The following MX2 variants were observed in gnomAD, a reference collection of about 807,000 sequenced individuals.
MX2 encodes interferon-induced GTP-binding protein Mx2.
A neutral mutation model predicts 74.0 loss-of-function variants in MX2; 51 were observed. The ratio of observed to expected loss-of-function variants is 0.69; its 90% CI spans 0.55 to 0.87. MX2 has a LOEUF of 0.87. Ranked by LOEUF, MX2 falls within the 40% of genes least tolerant of loss-of-function variation. The probability of loss-of-function intolerance (pLI) is 0.00; values close to 1 mark genes in which losing one functional copy is unlikely to be tolerated. For synonymous variants in MX2, 369 were observed against 339.3 expected (o/e 1.09, Z -0.96); for missense variants, 832 against 908.7 (o/e 0.92, Z 1.09).
Position 41,408,099 on chromosome 21 carries a change from A to C in MX2, c.2014A>C (p.Lys672Gln). ...AGCCATGATGCAGATACTACAGGAA[A>C]AAAATCGCTATTCCTGGCTGCTTCA... ...QKAMMQILQE[K>Q]NRYSWLLQEQ... Residue 672 changes from lysine to glutamine, a missense_variant, in exon 14 of 14, where the codon AAA becomes CAA. Lys to Gln is a moderately conservative substitution (Grantham distance 53). Transcript: ENST00000330714. 1 of 1,614,234 alleles carries C rather than the reference A, an allele frequency of 6.2e-7. No homozygotes were observed. The highest frequency in any genetic ancestry group is 1.1e-5 in the South Asian group (1 of 91,082).
At chr21:41,367,945 A>G (rs565813924) in intron 1 of MX2, among the ~76,000 whole-genome samples, 1 of 152,240 alleles carries the variant, frequency 6.6e-6, no homozygotes, top group East Asian at 1.9e-4. Context: ...CTGCACCCTG[A>G]CAGCCACCTT....
chr21:41,365,752 G>A (rs935482268), intron 1 of MX2: 2 of 152,222 alleles, frequency 1.3e-5, no homozygotes, highest in African/African-American at 4.8e-5. Flanking sequence ...GCTGTAATGG[G>A]ATTGCTGGGT....
intron 2 of MX2, 143 bp downstream of exon 2, chr21:41,377,298 C>A: frequency 8.3e-7 from 1 of 1,212,094 alleles, no homozygotes; most frequent in Non-Finnish European, 1.2e-6. Context: ...TGGTCATGCC[C>A]AACAAGTACC....
chr21:41,403,377 G>C (rs914694204), intron 12 of MX2, 34 bp downstream of exon 12: 4 of 1,520,318 alleles, frequency 2.6e-6, no homozygotes, highest in Non-Finnish European at 3.7e-6. Context: ...TAGTCACCTG[G>C]ACCACTGGCT....
At chr21:41,378,236 A>G (rs878961472) in intron 3 of MX2, among the ~76,000 whole-genome samples, 10 of 78,266 alleles carry the variant, frequency 1.3e-4, no homozygotes, top group South Asian at 1.1e-3. Flanking sequence ...GAGACAGACC[A>G]TTGGGAGAGA....
intron 7 of MX2, among the ~76,000 whole-genome samples, chr21:41,396,670 G>A (rs966657878): frequency 6.6e-6 from 1 of 152,196 alleles, no homozygotes; most frequent in African/African-American, 2.4e-5. Context: ...CCAGCACTCA[G>A]TAAACACCAC....
rs754922549 is a variant in MX2 at position 41,406,916 on chromosome 21, A to G, written c.1823A>G (p.Lys608Arg). ...CTGGGGACGCCTTCACAGAATATGA[A>G]GTTGAACTCTCATTTTCCCAGTAAT... ...NPLGTPSQNM[K>R]LNSHFPSNES... Residue 608 changes from lysine (K) to arginine (R), a missense_variant, in exon 13 of 14, where the codon AAG becomes AGG. Lys to Arg is a conservative substitution (Grantham distance 26). Transcript: ENST00000330714. The G allele has an allele frequency of 3.1e-6, 5 of 1,614,198 alleles. No homozygotes were observed. In the East Asian group the frequency reaches 1.1e-4, roughly 36 times the overall value.
At chr21:41,381,748 A>G (rs559886150) in intron 4 of MX2, among the ~76,000 whole-genome samples, 1 of 152,256 alleles carries the variant, frequency 6.6e-6, no homozygotes, top group Admixed American at 6.5e-5. Context: ...CATCTTTAGA[A>G]TAGCATCTTG....
chr21:41,387,927 C>T (rs372751111), intron 5 of MX2, among the ~76,000 whole-genome samples: 4 of 152,096 alleles, frequency 2.6e-5, no homozygotes, highest in African/African-American at 9.7e-5. Context: ...TGGGGTCAGC[C>T]CTCCCTTTTC....
intron 5 of MX2, among the ~76,000 whole-genome samples, chr21:41,385,347 C>T (rs535130552): frequency 3.3e-5 from 5 of 152,220 alleles, no homozygotes; most frequent in Non-Finnish European, 5.9e-5. Flanking sequence ...ATAATCCCCA[C>T]GTGTCGTGGG....
intron 6 of MX2, among the ~76,000 whole-genome samples, chr21:41,394,104 C>T (rs2089700152): frequency 6.6e-6 from 1 of 152,222 alleles, no homozygotes. Flanking sequence ...CGAGCACTCA[C>T]CTTGCCCATG....
At chr21:41,379,625 C>A (rs1221923418) in intron 3 of MX2, among the ~76,000 whole-genome samples, 1 of 152,082 alleles carries the variant, frequency 6.6e-6, no homozygotes, top group Non-Finnish European at 1.5e-5. Context: ...GGGCCTGGGG[C>A]AGACACCTGA....
intron 5 of MX2, among the ~76,000 whole-genome samples, chr21:41,387,952 G>C (rs540051205): frequency 6.6e-6 from 1 of 151,920 alleles, no homozygotes; most frequent in Non-Finnish European, 1.5e-5. Flanking sequence ...CCTCTCACAC[G>C]ACACGTCCAG....
At chr21:41,395,462 G>A in intron 6 of MX2, 125 bp from the exon 7 acceptor site, 1 of 737,390 alleles carries the variant, frequency 1.4e-6, no homozygotes, top group Non-Finnish European at 2.3e-6. Context: ...ATGGAATGAG[G>A]CACTGGAGGA....
intron 1 of MX2, among the ~76,000 whole-genome samples, chr21:41,374,635 G>C (rs1439982194): frequency 2.0e-5 from 3 of 146,832 alleles, no homozygotes; most frequent in Admixed American, 7.1e-5. Flanking sequence ...CCAGGGGCTA[G>C]CTTCCCACTT....
intron 5 of MX2, among the ~76,000 whole-genome samples, chr21:41,387,249 A>G (rs2089591662): frequency 6.6e-6 from 1 of 152,188 alleles, no homozygotes; most frequent in African/African-American, 2.4e-5. Flanking sequence ...CTCCAGCAAG[A>G]ACACATGTGT....
intron 1 of MX2, among the ~76,000 whole-genome samples, chr21:41,362,565 G>A (rs558947188): frequency 1.3e-4 from 19 of 151,982 alleles, no homozygotes; most frequent in African/African-American, 4.3e-4. Context: ...AGCCTTTGCC[G>A]ATTCTCTTCC....
chr21:41,390,273 G>A (rs1043858261), intron 5 of MX2: 14 of 367,524 alleles, frequency 3.8e-5, no homozygotes, highest in South Asian at 1.2e-4. Flanking sequence ...AAGGCATCTC[G>A]GGTGAGATCT....
At chr21:41,391,029 T>TTCCAGGGCA (rs1349960212) in intron 6 of MX2, among the ~76,000 whole-genome samples, 1 of 150,640 alleles carries the variant, frequency 6.6e-6, no homozygotes, top group African/African-American at 2.4e-5. Flanking sequence ...AGAACCAAGC[T>TTCCAGGGCA]TCCAGGGCAT....
Sources: gnomAD v4.1 joint callset for allele counts (sites outside exome capture counted in the v4.1 genomes callset) on GRCh38, gnomAD v4.1.1 for gene constraint, MANE v1.5 for transcripts, NCBI Gene and HGNC (gene_info 2026-07-23, HGNC 2026-07-21) for gene names.